Variants in XAF1 observed in about 807,000 individuals in gnomAD.
XAF1 encodes XIAP associated factor 1.
XAF1 carries 32 observed loss-of-function variants against 32.3 expected under a neutral mutation model. The ratio of observed to expected loss-of-function variants is 0.99; its 90% CI spans 0.75 to 1.33. The LOEUF is 1.33. XAF1 is among the 40% of genes most tolerant of loss of function. The pLI is 0.00. For missense variants in XAF1, 379 were observed against 366.0 expected (o/e 1.04, Z -0.29); for synonymous variants, 120 against 125.9 (o/e 0.95, Z 0.31).
intron 1 of XAF1, among the ~76,000 whole-genome samples, chr17:6,757,822 C>A (rs929073019): frequency 6.6e-6 from 1 of 152,058 alleles, no homozygotes; most frequent in Admixed American, 6.5e-5. Context: ...CTCCCCATGC[C>A]CCTTTGTAAT....
chr17:6,767,253 G>T (rs896812182), intron 5 of XAF1, among the ~76,000 whole-genome samples: 1 of 152,078 alleles, frequency 6.6e-6, no homozygotes, highest in Non-Finnish European at 1.5e-5. Flanking sequence ...ACAGTAGAAA[G>T]TTAATACAAT....
intron 6 of XAF1, 43 bp downstream of exon 6, chr17:6,771,027 C>T (rs1015456717): frequency 5.1e-6 from 8 of 1,575,000 alleles, no homozygotes; most frequent in Admixed American, 1.8e-5. Context: ...GGGAACCATC[C>T]GCACAGTGTC....
chr17:6,767,346 T>G (rs1597743841), intron 5 of XAF1, among the ~76,000 whole-genome samples: 1 of 152,296 alleles, frequency 6.6e-6, no homozygotes, highest in East Asian at 1.9e-4. Flanking sequence ...CTTAGATACA[T>G]TACAGGTAAA....
rs756818440 is a variant in XAF1 at position 6,762,199 on chromosome 17, T to C, written c.466T>C (p.Cys156Arg). 2.5e-6 allele frequency: 4 copies of C among 1,613,528 alleles called. No homozygotes were observed. In the Admixed American group the frequency reaches 5.0e-5, roughly 20 times the overall value. Residue 156 changes from cysteine (C) to arginine (R), a missense_variant, in exon 5 of 7, where the codon TGC (cysteine) becomes CGC (arginine). Transcript: ENST00000361842. The part of the protein sequence containing the change: ...APEREIYCHY[C>R]NQMIPENKYF... ...TGAAAGGGAAATCTACTGTCATTAT[T>C]GCAACCAAATGATTCCAGAAAATAA...
Position 6,761,802 on chromosome 17 carries a change from A to G in XAF1, c.422-353A>G, listed in dbSNP as rs1014139586. ...CAACCAACACCTGGTCTGATCACAG[A>G]GTCTGAAAACTGGTGCAATGAAAGA... is the stretch of plus-strand genomic sequence containing the variant. On this transcript the variant is annotated intron_variant, in intron 4 of 6. Coordinates refer to ENST00000361842, the MANE Select transcript of XAF1 (RefSeq NM_017523.5). The G allele has an allele frequency of 2.3e-6, 3 of 1,305,814 alleles. No homozygotes were observed. In the Admixed American group the frequency reaches 7.0e-5, roughly 31 times the overall value. 80.9% of individuals were successfully genotyped at this position (1,305,814 alleles called of 1,614,324 possible).
intron 1 of XAF1, among the ~76,000 whole-genome samples, chr17:6,757,800 T>C (rs2151524934): frequency 6.6e-6 from 1 of 152,234 alleles, no homozygotes; most frequent in Non-Finnish European, 1.5e-5. Flanking sequence ...AAGCTTCCTG[T>C]CACCCCAAAA....
chr17:6,773,611 ATC>A lies in XAF1; in HGVS notation c.*446_*447del, dbSNP rs1320956237. 5 of 153,598 alleles carry A rather than the reference ATC, an allele frequency of 3.3e-5. No homozygotes were observed. Among genetic ancestry groups the A allele is most frequent in the African/African-American group, 9.6e-5 (4 of 41,482 alleles). 9.5% of individuals were successfully genotyped at this position (153,598 alleles called of 1,614,324 possible). ...AACCAAAAAGAAAGGAAGTCGAAGT[ATC>A]TCTGTTTGCAGACGATATGATTCTA... On this transcript the variant is annotated 3_prime_UTR_variant, in exon 7 of 7. Coordinates refer to ENST00000361842, the MANE Select transcript of XAF1 (RefSeq NM_017523.5).
chr17:6,772,859 C>G (rs1433854489), intron 6 of XAF1: 6 of 384,930 alleles, frequency 1.6e-5, no homozygotes. Flanking sequence ...TTAATGGCTG[C>G]CTAAGATTCC....
At chr17:6,761,307 A>G (rs901308452) in intron 4 of XAF1, among the ~76,000 whole-genome samples, 1 of 152,220 alleles carries the variant, frequency 6.6e-6, no homozygotes, top group African/African-American at 2.4e-5. Flanking sequence ...GCTAGAGGCA[A>G]AAATAAGACT....
At chr17:6,759,462 C>G in intron 2 of XAF1, 200 bp from the exon 3 acceptor site, 1 of 1,424,070 alleles carries the variant, frequency 7.0e-7, no homozygotes, top group Non-Finnish European at 9.2e-7. Context: ...GTTGCCAACT[C>G]AGACTGGTCT....
rs918589826 is a variant in XAF1 at position 6,756,937 on chromosome 17, C to T, written c.32+827C>T. ...GCCACCCCATTTCCCTTCTCCCAAGCTGCCACAAGCAAGAGCTGATGGAAA... is the reference window on the plus strand; with the variant it reads ...GCCACCCCATTTCCCTTCTCCCAAGTTGCCACAAGCAAGAGCTGATGGAAA... On this transcript the variant is annotated intron_variant, in intron 1 of 6. Transcript: ENST00000361842. Among the ~76,000 whole-genome samples, 124 of 152,080 alleles carry T rather than the reference C, an allele frequency of 8.2e-4. 2 individuals carry two copies. The highest frequency in any genetic ancestry group is 2.8e-4 in the Non-Finnish European group (19 of 67,994).
intron 5 of XAF1, among the ~76,000 whole-genome samples, chr17:6,766,578 C>T (rs1010784876): frequency 6.6e-6 from 1 of 152,220 alleles, no homozygotes; most frequent in African/African-American, 2.4e-5. Flanking sequence ...TGATTTCACT[C>T]ATTCTGGTTA....
At chr17:6,755,774 G>A, upstream of XAF1, 1 of 1,188,168 alleles carries the variant, frequency 8.4e-7, no homozygotes, top group South Asian at 2.3e-5. Context: ...GCCAGCCAGG[G>A]TGAGGGAACA....
chr17:6,758,256 G>A, intron 2 of XAF1, 32 bp downstream of exon 2: 1 of 1,609,058 alleles, frequency 6.2e-7, no homozygotes, highest in Non-Finnish European at 8.5e-7. Context: ...TGGGGTCTGA[G>A]AGTCAAGGTG....
Position 6,775,363 on chromosome 17 carries a change from A to G in XAF1, c.*2194A>G, listed in dbSNP as rs1597770540. 1 of 152,332 alleles carries G rather than the reference A, an allele frequency of 6.6e-6. No homozygotes were observed. Among genetic ancestry groups the G allele is most frequent in the South Asian group, 2.1e-4 (1 of 4,822 alleles). The allele number at this position is 152,332 out of a possible 1,614,324, so 9.4% of individuals were successfully genotyped here. A position where few individuals can be genotyped will look rare whatever the true frequency, so the allele number is the denominator to read the frequency against. On this transcript the variant is annotated 3_prime_UTR_variant, in exon 7 of 7. Coordinates refer to ENST00000361842, the MANE Select transcript of XAF1 (RefSeq NM_017523.5). ...TCTGGATGATGAAATAATCTGTACA[A>G]CAAACCCTGGTGACATGCAATTTAC... is the stretch of plus-strand genomic sequence containing the variant.
intron 6 of XAF1, chr17:6,771,260 G>A: frequency 2.9e-6 from 1 of 341,358 alleles, no homozygotes; most frequent in Non-Finnish European, 5.4e-6. Flanking sequence ...TCTAGGCCAG[G>A]GATTGATTTG....
chr17:6,763,163 T>C (rs1235772652), intron 5 of XAF1, among the ~76,000 whole-genome samples: 1 of 152,196 alleles, frequency 6.6e-6, no homozygotes, highest in East Asian at 1.9e-4. Context: ...CTAATCTGCT[T>C]TCTATCTCTA....
intron 5 of XAF1, among the ~76,000 whole-genome samples, chr17:6,764,550 A>G (rs1433320604): frequency 6.6e-6 from 1 of 151,208 alleles, no homozygotes; most frequent in Non-Finnish European, 1.5e-5. Flanking sequence ...TTATATATCA[A>G]TGGCCTTGCA....
intron 1 of XAF1, among the ~76,000 whole-genome samples, chr17:6,756,721 G>A (rs1974703743): frequency 6.6e-6 from 1 of 152,134 alleles, no homozygotes; most frequent in South Asian, 2.1e-4. Context: ...ACCAGCCCAG[G>A]AAGAGCAGGG....
Sources: gnomAD v4.1 joint callset for allele counts (sites outside exome capture counted in the v4.1 genomes callset) on GRCh38, gnomAD v4.1.1 for gene constraint, MANE v1.5 for transcripts, NCBI Gene and HGNC (gene_info 2026-07-23, HGNC 2026-07-21) for gene names.